Variants in SLC8A1 observed in about 807,000 individuals in gnomAD.
The protein encoded by SLC8A1 is sodium/calcium exchanger 1.
In SLC8A1, 18 loss-of-function variants were observed where a neutral mutation model predicts 68.3. The observed-to-expected ratio is 0.26, with a 90% CI of 0.18 to 0.39. SLC8A1 has a LOEUF of 0.39. Ranked by LOEUF, SLC8A1 falls within the 10% of genes least tolerant of loss-of-function variation. The pLI is 1.00. For synonymous variants in SLC8A1, 475 were observed against 415.5 expected, an observed-to-expected ratio of 1.14 and a Z score of -1.74; for missense variants, 985 against 1,156.7, an observed-to-expected ratio of 0.85 and a Z score of 2.15.
intron 2 of SLC8A1, among the ~76,000 whole-genome samples, chr2:40,288,978 G>T (rs568947583): frequency 1.1e-4 from 17 of 151,400 alleles, no homozygotes; most frequent in South Asian, 2.1e-4. Context: ...AGTATGTTGG[G>T]ATTAGGCGTG....
chr2:40,477,243 T>C (rs941053677), intron 1 of SLC8A1, among the ~76,000 whole-genome samples: 3 of 151,514 alleles, frequency 2.0e-5, no homozygotes, highest in Non-Finnish European at 4.4e-5. Flanking sequence ...ATCTGATATC[T>C]GAAGAAAACA....
At chr2:40,333,432 C>T (rs1158807797) in intron 2 of SLC8A1, among the ~76,000 whole-genome samples, 6 of 113,210 alleles carry the variant, frequency 5.3e-5, no homozygotes, top group South Asian at 5.2e-4. Flanking sequence ...AGCGAGACTC[C>T]GTCTCAAAAA....
rs188379148 is a variant in SLC8A1 at position 40,385,483 on chromosome 2, A to G, written c.1808+42990T>C. On this transcript the variant is annotated intron_variant, in intron 2 of 7. Transcript: ENST00000406785. ...GTATCAATTGCTACGAAAAGACAGAAGTATAAATATAGGTGAGGAGATTTA... is the reference window on the plus strand; with the variant it reads ...GTATCAATTGCTACGAAAAGACAGAGGTATAAATATAGGTGAGGAGATTTA... Among the ~76,000 whole-genome samples the G allele has an allele frequency of 8.9e-5, 13 of 146,062 alleles. No homozygotes were observed. In the East Asian group the frequency reaches 2.1e-3, roughly 24 times the overall value.
chr2:40,350,620 A>G (rs866545717), intron 2 of SLC8A1, among the ~76,000 whole-genome samples: 2,341 of 128,188 alleles, frequency 0.018, 21 homozygotes, highest in Non-Finnish European at 0.027. Context: ...AAAAAAAAAA[A>G]GGCATTTCCA....
rs571759247 is a variant in SLC8A1 at position 40,425,370 on chromosome 2, C to G, written c.1808+3103G>C. Among the ~76,000 whole-genome samples, 15 of 151,904 alleles carry G rather than the reference C, an allele frequency of 9.9e-5. No individual in the cohort carries two copies. In the South Asian group the frequency reaches 3.1e-3, roughly 32 times the overall value. ...ATAAGATCAAAGATTAGGAATCTATCTTGTTTTTGGAATCCAACAATCATT... is the reference window on the plus strand; with the variant it reads ...ATAAGATCAAAGATTAGGAATCTATGTTGTTTTTGGAATCCAACAATCATT... On this transcript the variant is annotated intron_variant, in intron 2 of 7. Transcript: ENST00000406785.
chr2:40,375,906 T>C (rs77612700), intron 2 of SLC8A1, among the ~76,000 whole-genome samples: 1 of 151,972 alleles, frequency 6.6e-6, no homozygotes, highest in African/African-American at 2.4e-5. Context: ...GAGGCTGACA[T>C]GGGAGAGTCG....
chr2:40,475,955 GT>G (rs1704278739), intron 1 of SLC8A1, among the ~76,000 whole-genome samples: 3 of 152,028 alleles, frequency 2.0e-5, no homozygotes, highest in Admixed American at 2.0e-4. Flanking sequence ...CCTCTGAGTA[GT>G]TTTCTGTTCA....
intron 1 of SLC8A1, among the ~76,000 whole-genome samples, chr2:40,444,164 G>A (rs1198490413): frequency 5.3e-5 from 8 of 151,920 alleles, no homozygotes. Flanking sequence ...CAAGACCCCT[G>A]TCTCTACAAA....
intron 2 of SLC8A1, among the ~76,000 whole-genome samples, chr2:40,238,793 T>C (rs1002751097): frequency 2.6e-5 from 4 of 152,260 alleles, no homozygotes; most frequent in Middle Eastern, 3.4e-3. Flanking sequence ...AAATTTTTTT[T>C]CATCTGGAGG....
intron 1 of SLC8A1, among the ~76,000 whole-genome samples, chr2:40,481,230 GATTA>G (rs1704609814): frequency 6.6e-6 from 1 of 152,182 alleles, no homozygotes; most frequent in African/African-American, 2.4e-5. Context: ...TAAAAAAGGT[GATTA>G]ATTAGTTCTG....
At chr2:40,363,709 G>T (rs1675233413) in intron 2 of SLC8A1, among the ~76,000 whole-genome samples, 1 of 152,034 alleles carries the variant, frequency 6.6e-6, no homozygotes, top group Non-Finnish European at 1.5e-5. Flanking sequence ...CCCCTTTGTG[G>T]CAGGTAATAA....
chr2:40,145,674 G>C (rs1056832251), intron 6 of SLC8A1, among the ~76,000 whole-genome samples: 10 of 152,150 alleles, frequency 6.6e-5, no homozygotes, highest in African/African-American at 2.4e-4. Flanking sequence ...GATCAGCTAA[G>C]AAAAATAAAA....
chr2:40,150,547 C>A (rs2043229502), intron 6 of SLC8A1, among the ~76,000 whole-genome samples: 1 of 152,200 alleles, frequency 6.6e-6, no homozygotes. Context: ...CCCATGCCAA[C>A]AAAAGAGCTC....
Position 40,318,873 on chromosome 2 carries a change from C to T in SLC8A1, c.1808+109600G>A, listed in dbSNP as rs189079854. Among the ~76,000 whole-genome samples, 647 of 151,964 alleles carry T rather than the reference C, an allele frequency of 4.3e-3. 2 individuals are homozygous for T. The highest frequency in any genetic ancestry group is 0.014 in the African/African-American group (600 of 41,478). On this transcript the variant is annotated intron_variant, in intron 2 of 7. Coordinates refer to ENST00000406785, the Ensembl canonical transcript of SLC8A1. ...TTCTCTGGAAGTTGTTCTTTTTTTT[C>T]CCTCAACTTTTCAATACAATGTTTG...
chr2:40,449,627 TG>T (rs1449511653), intron 1 of SLC8A1, among the ~76,000 whole-genome samples: 1 of 152,028 alleles, frequency 6.6e-6, no homozygotes, highest in Non-Finnish European at 1.5e-5. Flanking sequence ...AAAAGGGCTA[TG>T]TGCTTAATCT....
rs144814369 is a variant in SLC8A1, at chr2:40,136,458, C to T, written c.2437+2943G>A. Among the ~76,000 whole-genome samples, 130 of 152,158 alleles carry T rather than the reference C, an allele frequency of 8.5e-4. 1 individual carries two copies. Among genetic ancestry groups the T allele is most frequent in the African/African-American group, 2.9e-3 (122 of 41,484 alleles). The stretch of plus-strand genomic sequence containing the variant: ...TCCTTCCTTGAGGCAGGAGGACTAA[C>T]GGGAAAGTTTTCAATGTCCGTCTGG... On this transcript the variant is annotated intron_variant, in intron 7 of 7. Transcript: ENST00000406785.
At chr2:40,368,987 G>A (rs1677137594) in intron 2 of SLC8A1, among the ~76,000 whole-genome samples, 1 of 152,058 alleles carries the variant, frequency 6.6e-6, no homozygotes, top group Non-Finnish European at 1.5e-5. Context: ...CTAGCTGTAT[G>A]CAGGAGATTG....
intron 1 of SLC8A1, among the ~76,000 whole-genome samples, chr2:40,500,895 C>A (rs1162740057): frequency 7.8e-6 from 1 of 128,970 alleles, no homozygotes. Context: ...TAAACTAGAT[C>A]ATTTATTTCT....
chr2:40,207,287 C>T (rs1269346386), intron 2 of SLC8A1, among the ~76,000 whole-genome samples: 1 of 151,962 alleles, frequency 6.6e-6, no homozygotes, highest in Non-Finnish European at 1.5e-5. Context: ...GAGCAATTTT[C>T]AGCTGGCCAG....
Sources: allele counts gnomAD v4.1 joint callset (sites outside exome capture counted in the v4.1 genomes callset), GRCh38; gene constraint gnomAD v4.1.1; transcripts MANE v1.5; gene names NCBI Gene and HGNC (gene_info 2026-07-23, HGNC 2026-07-21).